ANKS1B: variants seen among roughly 807,000 people sequenced by gnomAD.
ANKS1B encodes ankyrin repeat and sterile alpha motif domain containing 1B, also known as ankyrin repeat and sterile alpha motif domain-containing protein 1B.
Under a neutral mutation model 148.3 loss-of-function variants are expected in ANKS1B, and 36 were observed. The observed-to-expected ratio is 0.24, with a 90% confidence interval of 0.19 to 0.32. The LOEUF is 0.32. Ranked by LOEUF, ANKS1B falls within the 10% of genes least tolerant of loss-of-function variation. ANKS1B has a pLI of 1.00. For synonymous variants in ANKS1B, 542 were observed against 560.8 expected, an observed-to-expected ratio of 0.97 and a Z score of 0.47; for missense variants, 1,157 against 1,542.6, an observed-to-expected ratio of 0.75 and a Z score of 4.19.
At chr12:99,427,763 G>A (rs577413156) in intron 11 of ANKS1B, among the ~76,000 whole-genome samples, 1 of 152,302 alleles carries the variant, frequency 6.6e-6, no homozygotes, top group South Asian at 2.1e-4. Flanking sequence ...GAATGAATAA[G>A]GGCATCTCAG....
At chr12:99,290,026 G>T (rs902165694) in intron 12 of ANKS1B, among the ~76,000 whole-genome samples, 14 of 151,534 alleles carry the variant, frequency 9.2e-5, no homozygotes, top group Non-Finnish European at 1.8e-4. Flanking sequence ...AAAACTTTTA[G>T]CCAGACTAAG....
chr12:99,339,397 G>A (rs1172318911), intron 12 of ANKS1B, among the ~76,000 whole-genome samples: 1 of 152,168 alleles, frequency 6.6e-6, no homozygotes, highest in Non-Finnish European at 1.5e-5. Context: ...GCATTGTCAG[G>A]GAATGGGGCA....
rs58248573 is a variant in ANKS1B at position 99,805,263 on chromosome 12, C to CAAAAAAAAAAAAAAAAAAAAAAAA, written c.669+1117_669+1140dup. On this transcript the variant is annotated intron_variant, in intron 4 of 26. Transcript: ENST00000683438. ...AAATAACCATGAAAGGAGGAAAAGGCAAAAAAAAAAAAAAAAAAAAAAAAA... is the reference window on the plus strand; with the variant it reads ...AAATAACCATGAAAGGAGGAAAAGGCAAAAAAAAAAAAAAAAAAAAAAAAAAAAAAAAAAAAAAAAAAAAAAAAA... Among the ~76,000 whole-genome samples, 16 of 28,914 alleles carry CAAAAAAAAAAAAAAAAAAAAAAAA rather than the reference C, an allele frequency of 5.5e-4. 3 individuals carry two copies. The highest frequency in any genetic ancestry group is 8.7e-4 in the African/African-American group (6 of 6,874). The allele number at this position is 28,914 out of a possible 152,430, so 19.0% of individuals were successfully genotyped here.
At chr12:99,732,861 G>T (rs186390309) in intron 8 of ANKS1B, among the ~76,000 whole-genome samples, 14 of 152,242 alleles carry the variant, frequency 9.2e-5, no homozygotes, top group Admixed American at 9.2e-4. Context: ...GGATATCAGA[G>T]ATTCTGAAAT....
chr12:99,542,532 G>T (rs186272163), intron 9 of ANKS1B, among the ~76,000 whole-genome samples: 1 of 151,774 alleles, frequency 6.6e-6, no homozygotes, highest in Non-Finnish European at 1.5e-5. Context: ...AAAAATCCGT[G>T]GTGCTTTTTT....
intron 10 of ANKS1B, among the ~76,000 whole-genome samples, chr12:99,444,833 C>T (rs776879912): frequency 6.6e-6 from 1 of 151,788 alleles, no homozygotes; most frequent in Non-Finnish European, 1.5e-5. Context: ...TTTTATAGAC[C>T]AGGAAGTTTC....
chr12:99,914,591 C>G (rs1407048314), intron 1 of ANKS1B, among the ~76,000 whole-genome samples: 1 of 152,064 alleles, frequency 6.6e-6, no homozygotes, highest in Admixed American at 6.6e-5. Context: ...ACATACTATA[C>G]TGAAATCAGG....
intron 16 of ANKS1B, among the ~76,000 whole-genome samples, chr12:99,066,805 A>G (rs574398320): frequency 1.6e-4 from 25 of 152,266 alleles, no homozygotes; most frequent in Middle Eastern, 3.4e-3. Flanking sequence ...AAATAAAATC[A>G]TCCTTGTTCT....
intron 12 of ANKS1B, among the ~76,000 whole-genome samples, chr12:99,298,036 A>T (rs1293634579): frequency 6.6e-6 from 1 of 152,138 alleles, no homozygotes; most frequent in Non-Finnish European, 1.5e-5. Context: ...ATTTGAATGA[A>T]GACCACTGGC....
At chr12:98,925,562 C>T (rs1009218202) in intron 17 of ANKS1B, among the ~76,000 whole-genome samples, 18 of 152,112 alleles carry the variant, frequency 1.2e-4, no homozygotes, top group Non-Finnish European at 1.2e-4. Flanking sequence ...AAAGCATTTA[C>T]TTTTTTAAAA....
chr12:99,837,127 T>G (rs1364603232), intron 1 of ANKS1B, among the ~76,000 whole-genome samples: 2 of 151,968 alleles, frequency 1.3e-5, no homozygotes, highest in African/African-American at 4.8e-5. Flanking sequence ...GACGGCACAG[T>G]CAAAAAGACT....
At chr12:99,395,171 C>G (rs1190484546) in intron 12 of ANKS1B, among the ~76,000 whole-genome samples, 1 of 152,130 alleles carries the variant, frequency 6.6e-6, no homozygotes, top group Non-Finnish European at 1.5e-5. Context: ...CAATTGCCTT[C>G]TAACTGGCTT....
intron 17 of ANKS1B, among the ~76,000 whole-genome samples, chr12:98,932,006 T>A (rs2099814084): frequency 6.6e-6 from 1 of 152,128 alleles, no homozygotes; most frequent in Non-Finnish European, 1.5e-5. Flanking sequence ...CAGAGCTCAG[T>A]CCCATGGTGG....
chr12:99,813,998 T>A (rs1026475303), intron 2 of ANKS1B, among the ~76,000 whole-genome samples: 1 of 151,734 alleles, frequency 6.6e-6, no homozygotes, highest in Non-Finnish European at 1.5e-5. Flanking sequence ...ACCTTTTCTA[T>A]GTTTTGATAT....
intron 10 of ANKS1B, among the ~76,000 whole-genome samples, chr12:99,467,760 C>T (rs951605522): frequency 6.6e-6 from 1 of 152,136 alleles, no homozygotes; most frequent in African/African-American, 2.4e-5. Context: ...TCAAGGAGAA[C>T]TACAAACCAC....
chr12:99,449,884 GATCTATCCATCTATCTATCT>G (rs986680683), intron 10 of ANKS1B, among the ~76,000 whole-genome samples: 2 of 149,104 alleles, frequency 1.3e-5, no homozygotes, highest in Admixed American at 6.8e-5. Flanking sequence ...GGACCAACAG[GATCTATCCATCTATCTATCT>G]ATCTATCTAT....
At chr12:98,845,000 T>C (rs997648569) in intron 17 of ANKS1B, among the ~76,000 whole-genome samples, 1 of 152,170 alleles carries the variant, frequency 6.6e-6, no homozygotes, top group Non-Finnish European at 1.5e-5. Context: ...AAGAAATCAA[T>C]TGTTCAAGTT....
chr12:99,223,699 G>A (rs2085459723), intron 14 of ANKS1B, among the ~76,000 whole-genome samples: 1 of 152,152 alleles, frequency 6.6e-6, no homozygotes, highest in African/African-American at 2.4e-5. Flanking sequence ...TCTGTGGTCT[G>A]GGGGTTGGAA....
At chr12:98,838,487 T>C (rs2099387882) in intron 17 of ANKS1B, among the ~76,000 whole-genome samples, 1 of 152,210 alleles carries the variant, frequency 6.6e-6, no homozygotes, top group African/African-American at 2.4e-5. Flanking sequence ...AGTTCAGATT[T>C]AGCTGACAGA....
Sources: gnomAD v4.1 joint callset for allele counts (sites outside exome capture counted in the v4.1 genomes callset) on GRCh38, gnomAD v4.1.1 for gene constraint, MANE v1.5 for transcripts, NCBI Gene and HGNC (gene_info 2026-07-23, HGNC 2026-07-21) for gene names.